The following PTPRK variants were observed in gnomAD, a reference collection of about 807,000 sequenced individuals.
The protein encoded by PTPRK is receptor-type tyrosine-protein phosphatase kappa.
PTPRK carries 75 observed loss-of-function variants against 178.0 expected under a neutral mutation model. The ratio of observed to expected loss-of-function variants is 0.42; its 90% CI spans 0.35 to 0.51. PTPRK has a LOEUF of 0.51. Ranked by LOEUF, PTPRK falls within the 20% of genes least tolerant of loss-of-function variation. The probability of loss-of-function intolerance (pLI) is 0.02; values close to 1 mark genes in which losing one functional copy is unlikely to be tolerated. For synonymous variants in PTPRK, 637 were observed against 620.6 expected (o/e 1.03, Z -0.39); for missense variants, 1,441 against 1,797.8 (o/e 0.80, Z 3.59).
Position 128,464,645 on chromosome 6 carries a change from A to ATATATATATGTATG in PTPRK, c.100+55613_100+55614insCATACATATATATA, listed in dbSNP as rs1365214318. 4.6e-5 allele frequency among the ~76,000 whole-genome samples: 4 copies of ATATATATATGTATG among 86,966 alleles called. No homozygotes were observed. The East Asian group carries it at 1.1e-3, about 24-fold the overall frequency. 57.1% of individuals were successfully genotyped at this position (86,966 alleles called of 152,430 possible). On this transcript the variant is annotated intron_variant, in intron 1 of 29. Coordinates refer to ENST00000368226, the MANE Select transcript of PTPRK (RefSeq NM_002844.4). ...CATATATATATATATACACATATAT[A>ATATATATATGTATG]TATATATATATATATATATATATAT...
At chr6:128,426,048 A>C (rs981133519) in intron 1 of PTPRK, among the ~76,000 whole-genome samples, 1 of 152,228 alleles carries the variant, frequency 6.6e-6, no homozygotes, top group Non-Finnish European at 1.5e-5. Context: ...TTCCAAAACT[A>C]ATTTCACCAT....
intron 3 of PTPRK, among the ~76,000 whole-genome samples, chr6:128,270,876 A>T (rs1269650458): frequency 6.6e-6 from 1 of 152,162 alleles, no homozygotes; most frequent in Non-Finnish European, 1.5e-5. Context: ...TCAGGCATTA[A>T]GAGACCAATG....
chr6:128,135,698 T>C (rs1794917043), intron 7 of PTPRK, among the ~76,000 whole-genome samples: 1 of 152,102 alleles, frequency 6.6e-6, no homozygotes, highest in Non-Finnish European at 1.5e-5. Context: ...AGCCTCAAAA[T>C]GCTGCTAATT....
Position 128,242,557 on chromosome 6 carries a change from C to T in PTPRK, c.541G>A (p.Ala181Thr). 1 of 1,612,946 alleles carries T rather than the reference C, an allele frequency of 6.2e-7. No homozygotes were observed. Among genetic ancestry groups the T allele is most frequent in the South Asian group, 1.1e-5 (1 of 90,978 alleles). Reference protein sequence around the residue: ...EVSGGRSGYIAIDDIQVLSYP... With the variant: ...EVSGGRSGYITIDDIQVLSYP... ...CTCAGTACTTGGATGTCATCAATGG[C>T]AATATAACCACTTCTCCCTCCTGAG... Residue 181 changes from alanine (A) to threonine (T), a missense_variant, in exon 4 of 30, where the codon GCC (alanine) becomes ACC (threonine). Ala to Thr is a moderately conservative substitution (Grantham distance 58). Transcript: ENST00000368226.
chr6:128,354,552 G>T (rs1833710759), intron 2 of PTPRK, among the ~76,000 whole-genome samples: 1 of 151,998 alleles, frequency 6.6e-6, no homozygotes, highest in African/African-American at 2.4e-5. Context: ...CATGTTTAAT[G>T]TTACGATATA....
At chr6:128,468,577 G>A (rs915781333) in intron 1 of PTPRK, among the ~76,000 whole-genome samples, 1 of 151,980 alleles carries the variant, frequency 6.6e-6, no homozygotes, top group Non-Finnish European at 1.5e-5. Flanking sequence ...GTCATGAGTA[G>A]AAAACTTTTT....
intron 1 of PTPRK, among the ~76,000 whole-genome samples, chr6:128,464,650 T>TAC (rs1484566836): frequency 1.0e-5 from 1 of 96,296 alleles, no homozygotes; most frequent in East Asian, 2.5e-4. Flanking sequence ...TATATATATA[T>TAC]ATATATATAT....
intron 2 of PTPRK, among the ~76,000 whole-genome samples, chr6:128,386,984 G>T (rs961159969): frequency 6.6e-6 from 1 of 152,016 alleles, no homozygotes; most frequent in East Asian, 1.9e-4. Context: ...AGGAGAATCG[G>T]TTGAACCCAG....
At chr6:128,085,221 G>A (rs1056093904) in intron 8 of PTPRK, 1 of 152,206 alleles carries the variant, frequency 6.6e-6, no homozygotes, top group African/African-American at 2.4e-5. Flanking sequence ...AAGACTATGA[G>A]AGAAGTTAAC....
intron 2 of PTPRK, among the ~76,000 whole-genome samples, chr6:128,369,947 C>G (rs896899739): frequency 1.3e-5 from 2 of 150,326 alleles, no homozygotes; most frequent in Non-Finnish European, 1.5e-5. Context: ...CCATTCAAAA[C>G]TTGAAACCAT....
At chr6:128,038,497 A>C (rs1354850197) in intron 13 of PTPRK, among the ~76,000 whole-genome samples, 4 of 152,174 alleles carry the variant, frequency 2.6e-5, no homozygotes, top group African/African-American at 9.7e-5. Context: ...CAAAAAGTAC[A>C]GTTCTTATAA....
At chr6:128,266,421 GGAAAAAGTCT>G (rs1451125273) in intron 3 of PTPRK, among the ~76,000 whole-genome samples, 2 of 152,054 alleles carry the variant, frequency 1.3e-5, no homozygotes, top group Admixed American at 1.3e-4. Context: ...ATACCAACGT[GGAAAAAGTCT>G]GAAAAGCACT....
chr6:128,397,688 C>T lies in PTPRK; in HGVS notation c.101G>A (p.Gly34Asp), dbSNP rs376326051. The change falls in exon 2 of 30, where the codon GGT becomes GAT. Residue 34 changes from glycine to aspartate, a missense_variant and splice_region_variant. This residue lies in a region of PTPRK where 158 missense variants were observed against 188.0 expected (regional missense o/e 0.84). Transcript: ENST00000368226. Reference protein sequence around the residue: ...LGSAQGQFSAGGCTFDDGPGA... With the variant: ...LGSAQGQFSADGCTFDDGPGA... ...TGGACCATCATCAAAAGTACAGCCA[C>T]CTAGGAGAAAAGAAGACTACTGTTA... The T allele has an allele frequency of 6.2e-7, 1 of 1,612,416 alleles. No individual in the cohort carries two copies. Among genetic ancestry groups the T allele is most frequent in the Non-Finnish European group, 8.5e-7 (1 of 1,178,990 alleles).
chr6:127,976,788 T>G lies in PTPRK; in HGVS notation c.3844-6A>C. 6.2e-7 allele frequency: 1 copy of G among 1,609,504 alleles called. No homozygotes were observed. The highest frequency in any genetic ancestry group is 8.5e-7 in the Non-Finnish European group (1 of 1,178,992). ...GGCCAGTACTGAGGGCAGCCCTAAA[T>G]GATGAACGTTTTGAAAGAAAAAAAA... On this transcript the variant is annotated splice_region_variant and splice_polypyrimidine_tract_variant and intron_variant, in intron 26 of 29. Coordinates refer to ENST00000368226, the MANE Select transcript of PTPRK (RefSeq NM_002844.4).
chr6:128,241,262 G>C (rs751363760), intron 4 of PTPRK: 21 of 533,222 alleles, frequency 3.9e-5, no homozygotes, highest in Non-Finnish European at 2.7e-5. Flanking sequence ...TCTTGAGTTA[G>C]AACATGAACT....
chr6:128,270,857 G>A (rs1438599195), intron 3 of PTPRK, among the ~76,000 whole-genome samples: 1 of 152,062 alleles, frequency 6.6e-6, no homozygotes, highest in Non-Finnish European at 1.5e-5. Flanking sequence ...GGAGACATCA[G>A]TGTACCAATC....
At chr6:128,245,634 T>C (rs1001978466) in intron 3 of PTPRK, among the ~76,000 whole-genome samples, 3 of 152,192 alleles carry the variant, frequency 2.0e-5, no homozygotes. Flanking sequence ...GTCTTTGTGG[T>C]AAGCAGAATG....
In PTPRK at chr6:128,419,340, C is replaced by A. The variant is rs562895381; in HGVS notation, c.101-21652G>T. Among the ~76,000 whole-genome samples the A allele has an allele frequency of 5.9e-5, 9 of 152,260 alleles. No homozygotes were observed. In the South Asian group the frequency reaches 1.5e-3, roughly 25 times the overall value. Reference sequence around the variant, plus strand: ...AAAAGACAGAGAATGCGGCCGGGCGCGGTGGCTCACGCCTGTAATCCCAGC... The same window carrying A: ...AAAAGACAGAGAATGCGGCCGGGCGAGGTGGCTCACGCCTGTAATCCCAGC... On this transcript the variant is annotated intron_variant, in intron 1 of 29. Coordinates refer to ENST00000368226, the MANE Select transcript of PTPRK (RefSeq NM_002844.4).
At chr6:128,304,416 AT>A (rs1826077202) in intron 3 of PTPRK, among the ~76,000 whole-genome samples, 1 of 152,212 alleles carries the variant, frequency 6.6e-6, no homozygotes, top group Admixed American at 6.5e-5. Flanking sequence ...AAGGATAAAA[AT>A]ACACAAAACA....
Sources: gnomAD v4.1 joint callset for allele counts (sites outside exome capture counted in the v4.1 genomes callset) on GRCh38, gnomAD v4.1.1 for gene constraint, gnomAD v4.1.1 regional missense constraint, MANE v1.5 for transcripts, NCBI Gene and HGNC (gene_info 2026-07-23, HGNC 2026-07-21) for gene names.